Variants in NSD1 observed in about 807,000 individuals in gnomAD.
NSD1 encodes nuclear receptor binding SET domain protein 1, also known as histone-lysine N-methyltransferase, H3 lysine-36 specific.
A neutral mutation model predicts 242.7 loss-of-function variants in NSD1; 26 were observed. That is an observed-to-expected ratio of 0.11 (90% confidence interval 0.08 to 0.15). The LOEUF (loss-of-function observed/expected upper bound fraction) is 0.15, where lower values mean the gene tolerates loss of function less well. NSD1 is among the 10% of genes least tolerant of loss of function. The probability of loss-of-function intolerance (pLI) is 1.00; values close to 1 mark genes in which losing one functional copy is unlikely to be tolerated. For missense variants in NSD1, 2,495 were observed against 3,272.8 expected, an observed-to-expected ratio of 0.76 and a Z score of 5.80; for synonymous variants, 1,106 against 1,178.1, an observed-to-expected ratio of 0.94 and a Z score of 1.25.
chr5:177,248,672 G>A (rs1340167048), intron 11 of NSD1, among the ~76,000 whole-genome samples: 2 of 152,148 alleles, frequency 1.3e-5, no homozygotes, highest in Non-Finnish European at 2.9e-5. Context: ...AACTTTTCAA[G>A]GGTAATTTTA....
chr5:177,187,801 C>T (rs1230239607), intron 2 of NSD1, among the ~76,000 whole-genome samples: 1 of 152,160 alleles, frequency 6.6e-6, no homozygotes, highest in African/African-American at 2.4e-5. Context: ...AAGGCCCACC[C>T]TTGTGACTTC....
chr5:177,275,002 G>A (rs1276256636), intron 17 of NSD1, among the ~76,000 whole-genome samples: 2 of 151,872 alleles, frequency 1.3e-5, no homozygotes, highest in Non-Finnish European at 2.9e-5. Context: ...CCAAAGTGCT[G>A]GGATTACAGG....
intron 5 of NSD1, among the ~76,000 whole-genome samples, chr5:177,230,554 G>A (rs1052419095): frequency 2.0e-5 from 3 of 151,946 alleles, no homozygotes; most frequent in Non-Finnish European, 4.4e-5. Context: ...GGCCAGGCGT[G>A]GTGGCTCAAG....
Position 177,294,171 on chromosome 5 carries a change from C to T in NSD1, c.6803C>T (p.Ala2268Val), listed in dbSNP as rs774155855. ...TNQMLSLSKK[A>V]LAGTCQRPLL... is the part of the protein sequence containing the mutation. ...CAGATGCTGTCGCTCTCCAAAAAAG[C>T]TCTGGCAGGGACTTGTCAGAGGCCA... is the stretch of plus-strand genomic sequence containing the variant. The change falls in exon 23 of 23, where the codon GCT (alanine) becomes GTT (valine). Residue 2268 changes from alanine (A) to valine (V), a missense_variant. By Grantham distance (64) the Ala-to-Val change is moderately conservative. This residue lies in a region of NSD1 where 475 missense variants were observed against 563.7 expected (regional missense o/e 0.84). Transcript: ENST00000439151. 5.0e-6 allele frequency: 8 copies of T among 1,614,232 alleles called. No homozygotes were observed. The East Asian group carries it at 1.6e-4, about 31-fold the overall frequency.
At chr5:177,244,929 A>G (rs1766160574) in intron 9 of NSD1, among the ~76,000 whole-genome samples, 1 of 152,212 alleles carries the variant, frequency 6.6e-6, no homozygotes, top group South Asian at 2.1e-4. Flanking sequence ...AAATAATATC[A>G]GGCCGTTCAT....
At chr5:177,261,438 G>A (rs367588178) in intron 14 of NSD1, among the ~76,000 whole-genome samples, 25 of 151,694 alleles carry the variant, frequency 1.6e-4, no homozygotes, top group Non-Finnish European at 3.5e-4. Flanking sequence ...AACCTTTTAC[G>A]TATTTTCTTT....
chr5:177,164,611 A>T (rs10223252), intron 2 of NSD1, among the ~76,000 whole-genome samples: 11,944 of 152,186 alleles, frequency 0.078, 986 homozygotes, highest in African/African-American at 0.21. Context: ...CATTCAAAAA[A>T]TAGTTTTATC....
At chr5:177,257,955 C>T (rs933247154) in intron 13 of NSD1, among the ~76,000 whole-genome samples, 9 of 146,050 alleles carry the variant, frequency 6.2e-5, no homozygotes, top group East Asian at 2.0e-4. Context: ...TGAGCCACCA[C>T]GCGTGGCCCC....
At chr5:177,221,026 G>A (rs1359778622) in intron 5 of NSD1, 3 of 455,264 alleles carry the variant, frequency 6.6e-6, no homozygotes, top group Admixed American at 4.7e-5. Context: ...ACCACCCCCG[G>A]TTAATTTTGT....
chr5:177,213,288 C>G (rs1465909891), intron 5 of NSD1, among the ~76,000 whole-genome samples: 4 of 152,090 alleles, frequency 2.6e-5, no homozygotes, highest in Non-Finnish European at 5.9e-5. Context: ...GTAGATTTTT[C>G]TCTAACAGCT....
chr5:177,146,171 A>G (rs1757224578), intron 2 of NSD1, among the ~76,000 whole-genome samples: 1 of 149,860 alleles, frequency 6.7e-6, no homozygotes. Context: ...ATACCACACA[A>G]CCAGAATATT....
At chr5:177,248,003 G>A in intron 10 of NSD1, 178 bp from the exon 11 acceptor site, 2 of 985,402 alleles carry the variant, frequency 2.0e-6, no homozygotes, top group Non-Finnish European at 2.4e-6. Flanking sequence ...GGCATGAGGC[G>A]CCCACTACCC....
intron 2 of NSD1, among the ~76,000 whole-genome samples, chr5:177,171,284 C>T (rs969826255): frequency 4.6e-5 from 7 of 151,386 alleles, no homozygotes; most frequent in Admixed American, 6.6e-5. Flanking sequence ...TCCAGCCTGG[C>T]GACAGAGCGA....
At chr5:177,155,561 C>CTT (rs58025377) in intron 2 of NSD1, among the ~76,000 whole-genome samples, 8 of 96,574 alleles carry the variant, frequency 8.3e-5, no homozygotes, top group Non-Finnish European at 1.1e-4. Flanking sequence ...ACCGCACTGG[C>CTT]TTTTTTTTTT....
chr5:177,231,496 C>T (rs909992783), intron 5 of NSD1, among the ~76,000 whole-genome samples: 10 of 152,222 alleles, frequency 6.6e-5, no homozygotes, highest in Admixed American at 5.9e-4. Flanking sequence ...GGCACGATCT[C>T]GACTCACTAC....
intron 8 of NSD1, among the ~76,000 whole-genome samples, chr5:177,240,084 G>C (rs1765735305): frequency 6.6e-6 from 1 of 152,070 alleles, no homozygotes; most frequent in South Asian, 2.1e-4. Flanking sequence ...TCCTTTCCAA[G>C]TGAAAAAAAT....
intron 21 of NSD1, among the ~76,000 whole-genome samples, chr5:177,289,982 C>G (rs1308313711): frequency 1.3e-5 from 2 of 151,620 alleles, no homozygotes; most frequent in Non-Finnish European, 2.9e-5. Context: ...CGCCCGCCAC[C>G]ATGCCCGGCT....
intron 14 of NSD1, among the ~76,000 whole-genome samples, chr5:177,263,576 C>G (rs1757162448): frequency 6.6e-6 from 1 of 152,140 alleles, no homozygotes; most frequent in African/African-American, 2.4e-5. Flanking sequence ...TATATCTTGT[C>G]CATGAAGTCA....
At position 177,135,803 on chromosome 5, in the gene NSD1, G is replaced by A. The variant is rs771968592; in HGVS notation, c.700G>A (p.Glu234Lys). 2.5e-6 allele frequency: 4 copies of A among 1,609,148 alleles called. No homozygotes were observed. Among genetic ancestry groups the A allele is most frequent in the Non-Finnish European group, 3.4e-6 (4 of 1,176,502 alleles). Reference protein sequence around the residue: ...SPFLPLAPQTETQKNKQRNEV... With the variant: ...SPFLPLAPQTKTQKNKQRNEV... ...ATTCTTGCCATTAGCTCCTCAGACT[G>A]AAACACAGAAAAATAAGCAAAGAAA... The change falls in exon 2 of 23, where the codon GAA (glutamate) becomes AAA (lysine). Residue 234 changes from glutamate to lysine, a missense_variant. Coordinates refer to ENST00000439151, the MANE Select transcript of NSD1 (RefSeq NM_022455.5).
Sources: gnomAD v4.1 joint callset for allele counts (sites outside exome capture counted in the v4.1 genomes callset) on GRCh38, gnomAD v4.1.1 for gene constraint, gnomAD v4.1.1 regional missense constraint, MANE v1.5 for transcripts, NCBI Gene and HGNC (gene_info 2026-07-23, HGNC 2026-07-21) for gene names.